Variants in ITGB7 observed in about 807,000 individuals in gnomAD.
The protein encoded by ITGB7 is integrin beta-7.
In ITGB7, 55 loss-of-function variants were observed where a neutral mutation model predicts 83.4. The ratio of observed to expected loss-of-function variants is 0.66; its 90% CI spans 0.53 to 0.83. ITGB7 has a LOEUF of 0.83. ITGB7 is among the 40% of genes least tolerant of loss of function. The pLI is 0.00. For missense variants in ITGB7, 921 were observed against 1,046.7 expected, an observed-to-expected ratio of 0.88 and a Z score of 1.66; for synonymous variants, 454 against 423.6, an observed-to-expected ratio of 1.07 and a Z score of -0.88.
chr12:53,203,668 AAAAGAAAG>A (rs1271457527), intron 1 of ITGB7, among the ~76,000 whole-genome samples: 24 of 137,344 alleles, frequency 1.7e-4, no homozygotes, highest in African/African-American at 6.7e-4. Flanking sequence ...AAAAAAAAAA[AAAAGAAAG>A]AAAGAAAAGA....
At chr12:53,205,940 G>C (rs576094553) in intron 1 of ITGB7, among the ~76,000 whole-genome samples, 1 of 152,272 alleles carries the variant, frequency 6.6e-6, no homozygotes, top group Admixed American at 6.5e-5. Flanking sequence ...AGCCCTGCTT[G>C]CTCTGCATGC....
chr12:53,192,424 C>T lies in ITGB7; in HGVS notation c.2061G>A (p.Trp687Ter), dbSNP rs1260775805. ...GGTTGTCCAGGGTCCGCTCTTTGCA[C>T]CAGCCATCATCCAAGATAGGGGCCA... is the stretch of plus-strand genomic sequence containing the variant. ...LALAPILDDGWCKERTLDNQL... is the reference protein window; with the variant it reads ...LALAPILDDG Residue 687 changes from tryptophan to a stop codon, truncating the protein, a stop_gained, in exon 14 of 16, where the codon TGG becomes TGA. Transcript: ENST00000267082. LOFTEE classifies it high-confidence loss of function. 2.5e-6 allele frequency: 4 copies of T among 1,614,004 alleles called. No homozygotes were observed. Among genetic ancestry groups the T allele is most frequent in the Non-Finnish European group, 3.4e-6 (4 of 1,180,048 alleles).
At chr12:53,199,556 C>T (rs1942272528) in intron 3 of ITGB7, among the ~76,000 whole-genome samples, 1 of 150,408 alleles carries the variant, frequency 6.6e-6, no homozygotes, top group Non-Finnish European at 1.5e-5. Flanking sequence ...AGCCCTAACC[C>T]TCCATGTGAT....
Position 53,196,792 on chromosome 12 carries a change from C to T in ITGB7, c.603G>A (p.Val201=), listed in dbSNP as rs145266340. Residue 201 remains valine, a synonymous_variant, in exon 6 of 16, where the codon GTG becomes GTA. Transcript: ENST00000267082. ...AGGGTACTGTGCTCACAAAGGGCAGCACCGTTTTGTCCACAAAGGAACCAA... is the reference window on the plus strand; with the variant it reads ...AGGGTACTGTGCTCACAAAGGGCAGTACCGTTTTGTCCACAAAGGAACCAA... ...IGFGSFVDKT[V]LPFVSTVPSK... 703 of 1,604,838 alleles carry T rather than the reference C, an allele frequency of 4.4e-4. No homozygotes were observed. Among genetic ancestry groups the T allele is most frequent in the Non-Finnish European group, 5.6e-4 (658 of 1,172,526 alleles).
chr12:53,194,021 C>T (rs1359067627), intron 10 of ITGB7, 120 bp from the exon 11 acceptor site: 1 of 1,300,496 alleles, frequency 7.7e-7, no homozygotes, highest in Non-Finnish European at 1.1e-6. Flanking sequence ...TGTTAACACC[C>T]AACTCCTAGA....
chr12:53,196,267 G>T, intron 6 of ITGB7, 68 bp from the exon 7 acceptor site: 1 of 1,561,496 alleles, frequency 6.4e-7, no homozygotes, highest in Non-Finnish European at 8.8e-7. Flanking sequence ...AGCCAGCTCT[G>T]TGAGCCAAGA....
chr12:53,203,647 CAAAAAAAAAAAA>C (rs1158624130), intron 1 of ITGB7, among the ~76,000 whole-genome samples: 1 of 51,060 alleles, frequency 2.0e-5, no homozygotes, highest in Admixed American at 2.5e-4. Flanking sequence ...GACCCTGTCT[CAAAAAAAAAAAA>C]AAAAAAAAAA....
In ITGB7 at chr12:53,193,361, C is replaced by A; in HGVS notation, c.1505G>T (p.Cys502Phe). 6.3e-7 allele frequency: 1 copy of A among 1,576,040 alleles called. No individual in the cohort carries two copies. Among genetic ancestry groups the A allele is most frequent in the Non-Finnish European group, 8.6e-7 (1 of 1,157,148 alleles). The change falls in exon 12 of 16, where the codon TGT becomes TTT. Residue 502 changes from cysteine (C) to phenylalanine (F), a missense_variant and splice_region_variant. Cys to Phe is a radical substitution (Grantham distance 205, BLOSUM62 -2). Coordinates refer to ENST00000267082, the MANE Select transcript of ITGB7 (RefSeq NM_000889.3). ...GAGCCGACCTAGGCGGCCAGGGGCA[C>A]AGCTGGAAGGGGAAGGCAAAGGAGA... The part of the protein sequence containing the change: ...QGHLQCGVCS[C>F]APGRLGRLCE...
At position 53,197,971 on chromosome 12, in the gene ITGB7, GCGTCGGGACC is replaced by G. The variant is rs1425635808; in HGVS notation, c.202-30_202-21del. ...GAAGTTCTGCTCAGCAAGAAAAGGC[GCGTCGGGACC>G]CGGTCCTGCATAGGCCCTGGGCCCC... On this transcript the variant is annotated intron_variant, in intron 3 of 15. Transcript: ENST00000267082. 2 of 1,526,184 alleles carry G rather than the reference GCGTCGGGACC, an allele frequency of 1.3e-6. No individual in the cohort carries two copies. The highest frequency in any genetic ancestry group is 2.8e-5 in the African/African-American group (2 of 72,226). The allele number at this position is 1,526,184 out of a possible 1,614,324, so 94.5% of individuals were successfully genotyped here.
rs1039772609 is a variant in ITGB7 at position 53,197,957 on chromosome 12, C to T, written c.202-6G>A. 5 of 1,536,010 alleles carry T rather than the reference C, an allele frequency of 3.3e-6. No homozygotes were observed. In the East Asian group the frequency reaches 1.2e-4, roughly 38 times the overall value. ...TCTCCCGACGCGGTGAAGTTCTGCTCAGCAAGAAAAGGCGCGTCGGGACCC... is the reference window on the plus strand; with the variant it reads ...TCTCCCGACGCGGTGAAGTTCTGCTTAGCAAGAAAAGGCGCGTCGGGACCC... On this transcript the variant is annotated splice_polypyrimidine_tract_variant and splice_region_variant and intron_variant, in intron 3 of 15. Coordinates refer to ENST00000267082, the MANE Select transcript of ITGB7 (RefSeq NM_000889.3).
Position 53,195,392 on chromosome 12 carries a change from G to A in ITGB7, c.1143C>T (p.Leu381=). The A allele has an allele frequency of 6.2e-7, 1 of 1,612,160 alleles. No individual in the cohort carries two copies. Among genetic ancestry groups the A allele is most frequent in the Non-Finnish European group, 8.5e-7 (1 of 1,178,544 alleles). Reference sequence around the variant, plus strand: ...CCCTCACATTATAAGCATCCATGATGAGCTGTACCACGTTGCTGGAGTCCT... The same window carrying A: ...CCCTCACATTATAAGCATCCATGATAAGCTGTACCACGTTGCTGGAGTCCT... ...LSEDSSNVVQ[L]IMDAYNSLSS... The change falls in exon 9 of 16, where the codon CTC becomes CTT. Residue 381 remains leucine, a synonymous_variant. Transcript: ENST00000267082.
At chr12:53,205,583 T>A (rs1456025363) in intron 1 of ITGB7, among the ~76,000 whole-genome samples, 1 of 152,170 alleles carries the variant, frequency 6.6e-6, no homozygotes, top group South Asian at 2.1e-4. Context: ...TAGGTATCAT[T>A]TGTAATACTG....
intron 8 of ITGB7, 34 bp from the exon 9 acceptor site, chr12:53,195,497 C>T: frequency 6.3e-7 from 1 of 1,582,264 alleles, no homozygotes; most frequent in East Asian, 2.2e-5. Flanking sequence ...AATGGTGGGT[C>T]ACAGCTCTAG....
intron 1 of ITGB7, among the ~76,000 whole-genome samples, chr12:53,205,801 G>A (rs1230665331): frequency 6.6e-6 from 1 of 152,168 alleles, no homozygotes. Context: ...GTGTGGGAAA[G>A]GGGTGGGGTG....
At chr12:53,192,951 A>G (rs753012045) in intron 12 of ITGB7, 41 bp from the exon 13 acceptor site, 6 of 1,585,066 alleles carry the variant, frequency 3.8e-6, no homozygotes, top group South Asian at 1.1e-5. Context: ...CATACTCCAC[A>G]CACACAGTTG....
chr12:53,197,669 G>C lies in ITGB7; in HGVS notation c.404-6C>G, dbSNP rs766630865. On this transcript the variant is annotated splice_polypyrimidine_tract_variant and splice_region_variant and intron_variant, in intron 4 of 15. Transcript: ENST00000267082. ...CTGGAGCTGCTGGGGCTCCCCTAGG[G>C]GGTGGGCGGCGGGCGGGTCAGCAGA... 1 of 1,613,140 alleles carries C rather than the reference G, an allele frequency of 6.2e-7. No homozygotes were observed. Among genetic ancestry groups the C allele is most frequent in the African/African-American group, 1.3e-5 (1 of 74,900 alleles).
rs200629861 is a variant in ITGB7, at chr12:53,197,942, C to A, written c.211G>T (p.Ala71Ser). ...CGCCGCGCCTCCGCCTCTCCCGACG[C>A]GGTGAAGTTCTGCTCAGCAAGAAAA... is the stretch of plus-strand genomic sequence containing the variant. ...CAWCKQLNFT[A>S]SGEAEARRCA... The change falls in exon 4 of 16, where the codon GCG (alanine) becomes TCG (serine). Residue 71 changes from alanine to serine, a missense_variant. Transcript: ENST00000267082. 1 of 1,540,418 alleles carries A rather than the reference C, an allele frequency of 6.5e-7. No individual in the cohort carries two copies. The highest frequency in any genetic ancestry group is 8.7e-7 in the Non-Finnish European group (1 of 1,150,656).
At chr12:53,203,647 C>CAAAAAAAAAAAA (rs1158624130) in intron 1 of ITGB7, among the ~76,000 whole-genome samples, 1 of 51,056 alleles carries the variant, frequency 2.0e-5, no homozygotes, top group African/African-American at 5.3e-5. Flanking sequence ...GACCCTGTCT[C>CAAAAAAAAAAAA]AAAAAAAAAA....
In ITGB7 at chr12:53,193,817, C is replaced by T; in HGVS notation, c.1393G>A (p.Glu465Lys). The T allele has an allele frequency of 6.2e-7, 1 of 1,614,070 alleles. No homozygotes were observed. The stretch of plus-strand genomic sequence containing the variant: ...AGCGTGTGCAACTCCACAATCAGCT[C>T]CTCTGAGAAGCCAAGGGCCCGGAGC... ...LRLRALGFSEELIVELHTLCD... is the reference protein window; with the variant it reads ...LRLRALGFSEKLIVELHTLCD... The change falls in exon 11 of 16, where the codon GAG becomes AAG. Residue 465 changes from glutamate to lysine, a missense_variant. Transcript: ENST00000267082.
Sources: allele counts gnomAD v4.1 joint callset (sites outside exome capture counted in the v4.1 genomes callset), GRCh38; gene constraint gnomAD v4.1.1; transcripts MANE v1.5; gene names NCBI Gene and HGNC (gene_info 2026-07-23, HGNC 2026-07-21).